Variants in MTG1 observed in about 807,000 individuals in gnomAD.
MTG1 encodes mitochondrial ribosome-associated GTPase 1.
In MTG1, 30 loss-of-function variants were observed where a neutral mutation model predicts 39.5. That is an observed-to-expected ratio of 0.76 (90% CI 0.57 to 1.03). The LOEUF (loss-of-function observed/expected upper bound fraction) is 1.03, where lower values mean the gene tolerates loss of function less well. Among genes scored for constraint, MTG1 ranks in the 50% least tolerant of loss-of-function variants. The probability of loss-of-function intolerance (pLI) is 0.00; values close to 1 mark genes in which losing one functional copy is unlikely to be tolerated. For synonymous variants in MTG1, 217 were observed against 179.0 expected (o/e 1.21, Z -1.69); for missense variants, 513 against 447.4 (o/e 1.15, Z -1.32).
At chr10:133,414,353 CTT>C (rs917701020) in intron 9 of MTG1, among the ~76,000 whole-genome samples, 2 of 152,194 alleles carry the variant, frequency 1.3e-5, no homozygotes, top group African/African-American at 4.8e-5. Flanking sequence ...ATTTCTCAAT[CTT>C]TTCCCCACCT....
At chr10:133,403,604 C>G (rs116260494) in intron 9 of MTG1, among the ~76,000 whole-genome samples, 1 of 152,188 alleles carries the variant, frequency 6.6e-6, no homozygotes, top group African/African-American at 2.4e-5. Context: ...GTGTGTTGTC[C>G]GTCATTCATC....
intron 9 of MTG1, among the ~76,000 whole-genome samples, chr10:133,414,793 A>G (rs1268595776): frequency 6.6e-6 from 1 of 152,228 alleles, no homozygotes; most frequent in Non-Finnish European, 1.5e-5. Flanking sequence ...CAATCTCGGC[A>G]CTTTGGGAGG....
chr10:133,402,610 G>C lies in MTG1; in HGVS notation c.671-82G>C. The C allele has an allele frequency of 2.4e-6, 3 of 1,268,536 alleles. No homozygotes were observed. 78.6% of individuals were successfully genotyped at this position (1,268,536 alleles called of 1,614,324 possible). A position where few individuals can be genotyped will look rare whatever the true frequency, so the allele number is the denominator to read the frequency against. ...CTCACGGCACGGTGTCTTTGGGCTA[G>C]GACTGGAAGGGATGTGTTTGAACTT... is the stretch of plus-strand genomic sequence containing the variant. On this transcript the variant is annotated intron_variant, in intron 8 of 10. Transcript: ENST00000317502. This position sits in a 1 kb window ranked among gnomAD's most constrained non-coding sequence, Gnocchi z 4.7.
In MTG1 at chr10:133,419,506, G is replaced by A; in HGVS notation, c.779G>A (p.Ser260Asn). ...TACGTGCAGCACTACGGCCTGGGCA[G>A]TGCCTGTGACAACGTAGAGCGCGTG... ...FGYVQHYGLG[S>N]ACDNVERVLK... Residue 260 changes from serine to asparagine, a missense_variant, in exon 10 of 11, where the codon AGT becomes AAT. Ser to Asn is a conservative substitution (Grantham distance 46). Transcript: ENST00000317502. The A allele has an allele frequency of 1.2e-6, 2 of 1,606,430 alleles. No homozygotes were observed. Among genetic ancestry groups the A allele is most frequent in the Non-Finnish European group, 1.7e-6 (2 of 1,176,826 alleles).
At chr10:133,408,017 G>A (rs1384135308) in intron 9 of MTG1, among the ~76,000 whole-genome samples, 2 of 152,158 alleles carry the variant, frequency 1.3e-5, no homozygotes, top group African/African-American at 4.8e-5. Flanking sequence ...TGTGAATAAG[G>A]ATAATTTTGA....
At chr10:133,413,591 C>T (rs1482885647) in intron 9 of MTG1, among the ~76,000 whole-genome samples, 1 of 152,156 alleles carries the variant, frequency 6.6e-6, no homozygotes, top group African/African-American at 2.4e-5. Context: ...TCTCTTGCCT[C>T]TTTAGGATTG....
At chr10:133,396,392 C>G (rs1416437351) in intron 3 of MTG1, 125 bp downstream of exon 3, 3 of 803,882 alleles carry the variant, frequency 3.7e-6, no homozygotes, top group Non-Finnish European at 2.0e-6. Context: ...GCTTTAGAAA[C>G]AGCCCTTTGC....
chr10:133,399,488 G>A (rs200709813), intron 5 of MTG1, 41 bp from the exon 6 acceptor site: 29 of 1,591,202 alleles, frequency 1.8e-5, no homozygotes, highest in Admixed American at 1.2e-4. Flanking sequence ...AGGCTCTAGC[G>A]GCCACGGTGG....
intron 1 of MTG1, among the ~76,000 whole-genome samples, chr10:133,395,131 C>T (rs958687922): frequency 2.6e-5 from 4 of 152,198 alleles, no homozygotes; most frequent in Admixed American, 6.5e-5. Flanking sequence ...CCCGGTGGCT[C>T]ACGCTTGTAA....
chr10:133,418,026 A>T (rs1850160734), intron 9 of MTG1, among the ~76,000 whole-genome samples: 1 of 152,074 alleles, frequency 6.6e-6, no homozygotes, highest in Non-Finnish European at 1.5e-5. Flanking sequence ...TTGAGATGGC[A>T]TCTCACTCTG....
At chr10:133,401,790 G>T (rs1293693049) in intron 7 of MTG1, 200 bp downstream of exon 7, 1 of 708,834 alleles carries the variant, frequency 1.4e-6, no homozygotes, top group African/African-American at 1.7e-5. Context: ...AACCTTTGGG[G>T]AAGGCACGCT....
chr10:133,394,247 C>T lies in MTG1; in HGVS notation c.27C>T (p.Cys9=), dbSNP rs1849745189. The T allele has an allele frequency of 6.6e-7, 1 of 1,517,926 alleles. No homozygotes were observed. The highest frequency in any genetic ancestry group is 8.8e-7 in the Non-Finnish European group (1 of 1,137,698). 94.0% of individuals were successfully genotyped at this position (1,517,926 alleles called of 1,614,324 possible). A position where few individuals can be genotyped will look rare whatever the true frequency, so the allele number is the denominator to read the frequency against. ...TGAGATTGACCCCGCGCGCGCTGTGCAGCGCCGCCCAGGCCGCCTGGCGGG... is the reference window on the plus strand; with the variant it reads ...TGAGATTGACCCCGCGCGCGCTGTGTAGCGCCGCCCAGGCCGCCTGGCGGG... MRLTPRAL[C]SAAQAAWREN... Residue 9 remains cysteine (C), a synonymous_variant, in exon 1 of 11, where the codon TGC becomes TGT. Transcript: ENST00000317502.
In MTG1 at chr10:133,402,240, T is replaced by C. The variant is rs1244910018; in HGVS notation, c.665T>C (p.Leu222Pro). Residue 222 changes from leucine (L) to proline (P), a missense_variant, in exon 8 of 11, where the codon CTG (leucine) becomes CCG (proline). By Grantham distance (98) the Leu-to-Pro change is moderately conservative. Transcript: ENST00000317502. This position sits in a 1 kb window ranked among gnomAD's most constrained non-coding sequence, Gnocchi z 4.7. ...GTGGAGACAGGCCTGAAGCTGGCCC[T>C]GTGTGGTGAGCCGGGGCTGGGGCTG... ...ESVETGLKLA[L>P]CGTVLDHLVG... is the part of the protein sequence containing the mutation. 1.2e-6 allele frequency: 2 copies of C among 1,608,662 alleles called. No individual in the cohort carries two copies. Among genetic ancestry groups the C allele is most frequent in the Non-Finnish European group, 1.7e-6 (2 of 1,178,988 alleles).
At position 133,420,259 on chromosome 10, in the gene MTG1, C is replaced by T. The variant is rs1850210854; in HGVS notation, c.*94C>T. The T allele has an allele frequency of 5.6e-6, 8 of 1,433,892 alleles. No individual in the cohort carries two copies. In the South Asian group the frequency reaches 1.1e-4, roughly 20 times the overall value. 88.8% of individuals were successfully genotyped at this position (1,433,892 alleles called of 1,614,324 possible). ...CAAGACAGCTCACCCGGTCCAGAAGCTCCATGCTGGTCACTAGGGTGCTGT... is the reference window on the plus strand; with the variant it reads ...CAAGACAGCTCACCCGGTCCAGAAGTTCCATGCTGGTCACTAGGGTGCTGT... On this transcript the variant is annotated 3_prime_UTR_variant, in exon 11 of 11. Transcript: ENST00000317502.
intron 9 of MTG1, among the ~76,000 whole-genome samples, chr10:133,403,113 C>T (rs111240153): frequency 8.9e-5 from 7 of 78,966 alleles, no homozygotes; most frequent in Admixed American, 2.7e-4. Context: ...GCTCCTCCTT[C>T]GTGAAATCAA....
Position 133,398,499 on chromosome 10 carries a change from A to T in MTG1, c.347A>T (p.Asp116Val). ...KNVIFTNCVK[D>V]ENVKQIIPMV... ...GTCATTTTTACCAACTGTGTAAAGG[A>T]TGAAAATGTCAAGCAGGTAGGCTTT... Residue 116 changes from aspartate to valine, a missense_variant, in exon 4 of 11, where the codon GAT (aspartate) becomes GTT (valine). Transcript: ENST00000317502. 1 of 1,613,758 alleles carries T rather than the reference A, an allele frequency of 6.2e-7. No homozygotes were observed. The highest frequency in any genetic ancestry group is 8.5e-7 in the Non-Finnish European group (1 of 1,179,946).
intron 9 of MTG1, among the ~76,000 whole-genome samples, chr10:133,417,369 G>C (rs1247513657): frequency 1.3e-5 from 2 of 150,996 alleles, no homozygotes; most frequent in Non-Finnish European, 3.0e-5. Context: ...GTATTGATGG[G>C]ACGTATCTCA....
rs551182472 is a variant in MTG1 at position 133,416,925 on chromosome 10, G to C, written c.753-2555G>C. Among the ~76,000 whole-genome samples, 95 of 152,042 alleles carry C rather than the reference G, an allele frequency of 6.2e-4. No homozygotes were observed. The Middle Eastern group carries it at 0.017, about 27-fold the overall frequency. On this transcript the variant is annotated intron_variant, in intron 9 of 10. Transcript: ENST00000317502. ...GTCCTTTGGGTATATACCCAGTAAT[G>C]GGATAGCTGGGTCAAATGGTATTTC...
intron 9 of MTG1, among the ~76,000 whole-genome samples, chr10:133,404,573 A>G (rs192141094): frequency 2.0e-5 from 3 of 152,282 alleles, no homozygotes; most frequent in African/African-American, 4.8e-5. Context: ...AGTCCAGTTT[A>G]TCAGCTAGAT....
Sources: gnomAD v4.1 joint callset for allele counts (sites outside exome capture counted in the v4.1 genomes callset) on GRCh38, gnomAD v4.1.1 for gene constraint, Gnocchi (gnomAD v3.1) non-coding constraint, MANE v1.5 for transcripts, NCBI Gene and HGNC (gene_info 2026-07-23, HGNC 2026-07-21) for gene names.